Variants in TRPC7 observed in about 807,000 individuals in gnomAD.
TRPC7 encodes transient receptor potential cation channel subfamily C member 7, also known as short transient receptor potential channel 7.
A neutral mutation model predicts 90.1 loss-of-function variants in TRPC7; 42 were observed. The ratio of observed to expected loss-of-function variants is 0.47; its 90% CI spans 0.36 to 0.60. TRPC7 has a LOEUF of 0.60. Among genes scored for constraint, TRPC7 ranks in the 20% least tolerant of loss-of-function variants. The probability of loss-of-function intolerance (pLI) is 0.00; values close to 1 mark genes in which losing one functional copy is unlikely to be tolerated. For missense variants in TRPC7, 955 were observed against 1,112.3 expected (o/e 0.86, Z 2.01); for synonymous variants, 451 against 436.3 (o/e 1.03, Z -0.42).
chr5:136,315,412 G>C (rs982778656), intron 3 of TRPC7, among the ~76,000 whole-genome samples, 185 bp downstream of exon 3: 7 of 152,156 alleles, frequency 4.6e-5, no homozygotes, highest in African/African-American at 1.7e-4. Context: ...GCTGAGGTGG[G>C]AAGGGATGGT....
At chr5:136,355,656 G>C (rs1383128030) in intron 2 of TRPC7, among the ~76,000 whole-genome samples, 1 of 152,158 alleles carries the variant, frequency 6.6e-6, no homozygotes, top group African/African-American at 2.4e-5. Context: ...AAATTAGCTG[G>C]ACATGGTGGT....
chr5:136,253,844 G>A (rs2149806884), intron 5 of TRPC7, among the ~76,000 whole-genome samples: 1 of 152,358 alleles, frequency 6.6e-6, no homozygotes, highest in African/African-American at 2.4e-5. Context: ...GGTTAGTGAG[G>A]AATGTGTATC....
intron 1 of TRPC7, among the ~76,000 whole-genome samples, chr5:136,358,984 A>G (rs1384407076): frequency 6.6e-6 from 1 of 152,154 alleles, no homozygotes; most frequent in Non-Finnish European, 1.5e-5. Context: ...TTATGTCTTC[A>G]TGCATAAACA....
At chr5:136,279,423 G>C (rs138657070) in intron 3 of TRPC7, among the ~76,000 whole-genome samples, 1 of 152,162 alleles carries the variant, frequency 6.6e-6, no homozygotes, top group Non-Finnish European at 1.5e-5. Context: ...TCCTGAGTGC[G>C]GGGGTGAAGG....
At chr5:136,255,024 G>C (rs1041077684) in intron 5 of TRPC7, among the ~76,000 whole-genome samples, 2 of 152,186 alleles carry the variant, frequency 1.3e-5, no homozygotes, top group African/African-American at 2.4e-5. Flanking sequence ...TGACTAAATT[G>C]CTGCAATTTC....
chr5:136,306,926 T>C (rs1758654602), intron 3 of TRPC7, among the ~76,000 whole-genome samples: 1 of 152,226 alleles, frequency 6.6e-6, no homozygotes, highest in South Asian at 2.1e-4. Context: ...TCGCTGACTC[T>C]CTTTTCGGAT....
intron 2 of TRPC7, among the ~76,000 whole-genome samples, chr5:136,340,696 G>T (rs1222442028): frequency 6.6e-6 from 1 of 151,740 alleles, no homozygotes; most frequent in Non-Finnish European, 1.5e-5. Context: ...GTTCAGAAAA[G>T]AATACCATAA....
At chr5:136,226,417 C>T (rs1755633067) in intron 8 of TRPC7, 162 bp from the exon 9 acceptor site, 2 of 612,018 alleles carry the variant, frequency 3.3e-6, no homozygotes, top group East Asian at 5.5e-5. Context: ...GGAGTTTGCT[C>T]TCACTAAAAC....
chr5:136,223,676 GA>G (rs1755536457), intron 10 of TRPC7, among the ~76,000 whole-genome samples: 1 of 151,912 alleles, frequency 6.6e-6, no homozygotes, highest in Non-Finnish European at 1.5e-5. Context: ...GTCTCTTTCA[GA>G]AAGGATTCAT....
At position 136,247,723 on chromosome 5, in the gene TRPC7, C is replaced by A. The variant is rs775584697; in HGVS notation, c.1592G>T (p.Trp531Leu). ...VAYFTYARDKWWPSDPQIISE... is the reference protein window; with the variant it reads ...VAYFTYARDKLWPSDPQIISE... Reference sequence around the variant, plus strand: ...TATGATCTGAGGGTCTGAAGGCCACCACTTGTCCCTGGCTAAAAGAAAACA... The same window carrying A: ...TATGATCTGAGGGTCTGAAGGCCACAACTTGTCCCTGGCTAAAAGAAAACA... The change falls in exon 7 of 12, where the codon TGG becomes TTG. Residue 531 changes from tryptophan (W) to leucine (L), a missense_variant. Trp to Leu is a moderately conservative substitution (Grantham distance 61). Coordinates refer to ENST00000513104, the MANE Select transcript of TRPC7 (RefSeq NM_020389.3). This position sits in a 1 kb window ranked among gnomAD's most constrained non-coding sequence, Gnocchi z 4.2. 9.3e-6 allele frequency: 15 copies of A among 1,612,044 alleles called. No homozygotes were observed. Among genetic ancestry groups the A allele is most frequent in the Non-Finnish European group, 1.1e-5 (13 of 1,178,494 alleles).
intron 4 of TRPC7, among the ~76,000 whole-genome samples, chr5:136,271,194 G>A (rs1425579274): frequency 6.6e-6 from 1 of 152,160 alleles, no homozygotes; most frequent in Non-Finnish European, 1.5e-5. Context: ...TGGCAGTAAG[G>A]ACTGATAGAT....
intron 2 of TRPC7, among the ~76,000 whole-genome samples, chr5:136,353,349 GT>G (rs1760262400): frequency 6.6e-6 from 1 of 152,182 alleles, no homozygotes; most frequent in Non-Finnish European, 1.5e-5. Context: ...GTCAGGAAGA[GT>G]TTTTCCCTGA....
chr5:136,292,062 A>T (rs1160806474), intron 3 of TRPC7, among the ~76,000 whole-genome samples: 1 of 152,222 alleles, frequency 6.6e-6, no homozygotes, highest in Non-Finnish European at 1.5e-5. Context: ...TAACGAAATG[A>T]AGGCAGAAAT....
intron 2 of TRPC7, among the ~76,000 whole-genome samples, chr5:136,318,912 ATGG>A (rs1454131326): frequency 6.6e-6 from 1 of 152,006 alleles, no homozygotes; most frequent in African/African-American, 2.4e-5. Context: ...GGTCAATGAA[ATGG>A]TCTCTTGTCC....
At chr5:136,349,728 C>G (rs1468647588) in intron 2 of TRPC7, among the ~76,000 whole-genome samples, 2 of 152,136 alleles carry the variant, frequency 1.3e-5, no homozygotes, top group African/African-American at 4.8e-5. Flanking sequence ...CAGAGTTGGA[C>G]AGATTAGGGT....
chr5:136,266,184 A>G (rs756004310), intron 5 of TRPC7, 36 bp downstream of exon 5: 1 of 1,553,464 alleles, frequency 6.4e-7, no homozygotes, highest in Admixed American at 1.7e-5. Context: ...TACTATAATT[A>G]GCAAGGAGAG....
intron 2 of TRPC7, among the ~76,000 whole-genome samples, chr5:136,346,653 G>T (rs1002939691): frequency 1.3e-5 from 2 of 152,028 alleles, no homozygotes; most frequent in East Asian, 1.9e-4. Flanking sequence ...AATAACCTCC[G>T]GTTTTCTCCG....
In TRPC7 at chr5:136,301,349, TTTTTTTTTTTTA is replaced by T. The variant is rs1274317915; in HGVS notation, c.963+14236_963+14247del. Among the ~76,000 whole-genome samples, 459 of 124,956 alleles carry T rather than the reference TTTTTTTTTTTTA, an allele frequency of 3.7e-3. 5 individuals are homozygous for T. The highest frequency in any genetic ancestry group is 0.013 in the African/African-American group (431 of 32,538). 82.0% of individuals were successfully genotyped at this position (124,956 alleles called of 152,430 possible). ...GCCCAGGCATTTTTTTTTTTTTTTT[TTTTTTTTTTTTA>T]ACAAATCATAGTTGTCAGGCCTCTG... On this transcript the variant is annotated intron_variant, in intron 3 of 11. Coordinates refer to ENST00000513104, the MANE Select transcript of TRPC7 (RefSeq NM_020389.3).
chr5:136,252,276 C>G (rs2149806171), intron 5 of TRPC7, among the ~76,000 whole-genome samples: 1 of 152,218 alleles, frequency 6.6e-6, no homozygotes, highest in East Asian at 1.9e-4. Flanking sequence ...GAAGGTCCCC[C>G]CACTCCATGC....
Sources: gnomAD v4.1 joint callset for allele counts (sites outside exome capture counted in the v4.1 genomes callset) on GRCh38, gnomAD v4.1.1 for gene constraint, Gnocchi (gnomAD v3.1) non-coding constraint, MANE v1.5 for transcripts, NCBI Gene and HGNC (gene_info 2026-07-23, HGNC 2026-07-21) for gene names.